The following GRIK1 variants were observed in gnomAD, a reference collection of about 807,000 sequenced individuals.
GRIK1 encodes glutamate ionotropic receptor kainate type subunit 1.
Under a neutral mutation model 105.7 loss-of-function variants are expected in GRIK1, and 69 were observed. The observed-to-expected ratio is 0.65, with a 90% CI of 0.54 to 0.80. The LOEUF (loss-of-function observed/expected upper bound fraction) is 0.80. Among genes scored for constraint, GRIK1 ranks in the 30% least tolerant of loss-of-function variants. GRIK1 has a pLI of 0.00. For missense variants in GRIK1, 1,109 were observed against 1,167.3 expected (o/e 0.95, Z 0.73); for synonymous variants, 438 against 431.3 (o/e 1.02, Z -0.19).
At chr21:29,540,970 A>AT (rs3054285) in intron 16 of GRIK1, among the ~76,000 whole-genome samples, 3,009 of 134,590 alleles carry the variant, frequency 0.022, 112 homozygotes, top group African/African-American at 0.075. Flanking sequence ...CTTGCACTTG[A>AT]TTTTTTTTTT....
chr21:29,661,367 G>A (rs777444734), intron 4 of GRIK1, among the ~76,000 whole-genome samples: 4 of 152,152 alleles, frequency 2.6e-5, no homozygotes, highest in Admixed American at 6.5e-5. Flanking sequence ...ATAAATGAAA[G>A]ATTTTGAGAT....
At chr21:29,776,580 G>A (rs2065948787) in intron 1 of GRIK1, among the ~76,000 whole-genome samples, 1 of 152,198 alleles carries the variant, frequency 6.6e-6, no homozygotes, top group South Asian at 2.1e-4. Flanking sequence ...ACTACATGTA[G>A]TTTCCAGTGT....
intron 7 of GRIK1, among the ~76,000 whole-genome samples, chr21:29,614,426 T>C (rs1177231955): frequency 7.2e-6 from 1 of 139,576 alleles, no homozygotes; most frequent in Non-Finnish European, 1.5e-5. Context: ...TTTTTTTTTT[T>C]TTTTGGGACG....
At chr21:29,849,007 A>T (rs1383187887) in intron 1 of GRIK1, among the ~76,000 whole-genome samples, 1 of 151,934 alleles carries the variant, frequency 6.6e-6, no homozygotes, top group Non-Finnish European at 1.5e-5. Context: ...AACAGAACCC[A>T]AATCTGTTTT....
At chr21:29,580,047 A>T (rs1601171923) in intron 13 of GRIK1, among the ~76,000 whole-genome samples, 1 of 145,612 alleles carries the variant, frequency 6.9e-6, no homozygotes, top group African/African-American at 2.5e-5. Flanking sequence ...GTATATATGT[A>T]TATATGTATA....
intron 1 of GRIK1, among the ~76,000 whole-genome samples, chr21:29,870,450 A>G (rs2068969103): frequency 6.6e-6 from 1 of 151,916 alleles, no homozygotes; most frequent in Admixed American, 6.6e-5. Flanking sequence ...GAAGATGAAC[A>G]ATAGAACACT....
chr21:29,860,308 C>A (rs1452152375), intron 1 of GRIK1, among the ~76,000 whole-genome samples: 4 of 152,200 alleles, frequency 2.6e-5, no homozygotes, highest in Admixed American at 2.6e-4. Flanking sequence ...TTACTGCCAA[C>A]CTGGGGGAGT....
At chr21:29,900,462 GAAA>G (rs796090417) in intron 1 of GRIK1, among the ~76,000 whole-genome samples, 136 of 76,970 alleles carry the variant, frequency 1.8e-3, no homozygotes, top group African/African-American at 5.1e-3. Context: ...TGGAAAGCAA[GAAA>G]AAAAAAAAAA....
intron 3 of GRIK1, among the ~76,000 whole-genome samples, chr21:29,682,269 C>A (rs1348068931): frequency 6.6e-6 from 1 of 152,274 alleles, no homozygotes; most frequent in East Asian, 1.9e-4. Context: ...ACTTCTATGT[C>A]CTTATGTTTT....
At chr21:29,620,969 C>T (rs1394440687) in intron 7 of GRIK1, among the ~76,000 whole-genome samples, 3 of 145,622 alleles carry the variant, frequency 2.1e-5, no homozygotes, top group Non-Finnish European at 3.0e-5. Flanking sequence ...TCTACATATA[C>T]AGAATTTGGA....
intron 1 of GRIK1, among the ~76,000 whole-genome samples, chr21:29,701,720 A>C (rs2832428): frequency 0.27 from 41,684 of 152,104 alleles, 9,174 homozygotes; most frequent in African/African-American, 0.6. Context: ...GCCCTTGGAG[A>C]TGTTGCAATA....
At chr21:29,883,311 A>G (rs1358724950) in intron 1 of GRIK1, among the ~76,000 whole-genome samples, 1 of 152,108 alleles carries the variant, frequency 6.6e-6, no homozygotes. Context: ...AATAAGTGCA[A>G]TAGAGGCTGG....
chr21:29,579,932 C>T (rs1043072155), intron 13 of GRIK1, among the ~76,000 whole-genome samples: 4 of 147,950 alleles, frequency 2.7e-5, no homozygotes, highest in Non-Finnish European at 5.9e-5. Flanking sequence ...CATGCATGCT[C>T]TGTGAAACCT....
At chr21:29,784,287 G>C (rs192480058) in intron 1 of GRIK1, among the ~76,000 whole-genome samples, 122 of 152,182 alleles carry the variant, frequency 8.0e-4, no homozygotes, top group African/African-American at 2.7e-3. Context: ...AGCTTATTTT[G>C]TACCTTGAGT....
At chr21:29,619,768 GAACAGAAGCAGC>G (rs751916403) in intron 7 of GRIK1, among the ~76,000 whole-genome samples, 4 of 152,216 alleles carry the variant, frequency 2.6e-5, no homozygotes, top group Non-Finnish European at 5.9e-5. Context: ...CATGATGGTA[GAACAGAAGCAGC>G]AACAGAAGCA....
intron 16 of GRIK1, among the ~76,000 whole-genome samples, chr21:29,548,059 A>G (rs941830715): frequency 3.3e-5 from 5 of 152,234 alleles, no homozygotes; most frequent in African/African-American, 1.2e-4. Context: ...GGGGAGAAAG[A>G]CAATTCTGGT....
intron 9 of GRIK1, 159 bp downstream of exon 9, chr21:29,596,367 A>T (rs549995953): frequency 5.3e-6 from 4 of 749,714 alleles, no homozygotes; most frequent in Non-Finnish European, 9.9e-6. Context: ...GTTGAGAGAG[A>T]TAACATATTC....
intron 1 of GRIK1, among the ~76,000 whole-genome samples, chr21:29,870,231 T>A (rs1386172510): frequency 1.3e-5 from 2 of 152,154 alleles, no homozygotes; most frequent in African/African-American, 4.8e-5. Context: ...CCATTCCCTC[T>A]GTTAGAAATA....
rs139470066 is a variant in GRIK1, at chr21:29,751,876, C to T, written c.119-57813G>A. ...AATTCCACTTACGGGGGTTTTCTTT[C>T]GAGACGCTAGCTGTCTTTCCTACCT... is the stretch of plus-strand genomic sequence containing the variant. On this transcript the variant is annotated intron_variant, in intron 1 of 17. Coordinates refer to ENST00000327783, the MANE Select transcript of GRIK1 (RefSeq NM_001330994.2). 3.3e-5 allele frequency among the ~76,000 whole-genome samples: 5 copies of T among 152,262 alleles called. No individual in the cohort carries two copies. The East Asian group carries it at 5.8e-4, about 18-fold the overall frequency.
Sources: allele counts gnomAD v4.1 joint callset (sites outside exome capture counted in the v4.1 genomes callset), GRCh38; gene constraint gnomAD v4.1.1; transcripts MANE v1.5; gene names NCBI Gene and HGNC (gene_info 2026-07-23, HGNC 2026-07-21).